DPY19L3: variants seen among roughly 807,000 people sequenced by gnomAD.
DPY19L3 encodes protein C-mannosyl-transferase DPY19L3.
DPY19L3 carries 51 observed loss-of-function variants against 92.3 expected under a neutral mutation model. The observed-to-expected ratio is 0.55, with a 90% CI of 0.44 to 0.70. The LOEUF (loss-of-function observed/expected upper bound fraction) is 0.70, where lower values mean the gene tolerates loss of function less well. Among genes scored for constraint, DPY19L3 ranks in the 30% least tolerant of loss-of-function variants. The probability of loss-of-function intolerance (pLI) is 0.00; values close to 1 mark genes in which losing one functional copy is unlikely to be tolerated. For missense variants in DPY19L3, 706 were observed against 855.9 expected (o/e 0.82, Z 2.18); for synonymous variants, 309 against 315.2 (o/e 0.98, Z 0.21).
At chr19:32,419,780 T>C (rs1568326655) in intron 3 of DPY19L3, among the ~76,000 whole-genome samples, 1 of 151,774 alleles carries the variant, frequency 6.6e-6, no homozygotes, top group African/African-American at 2.4e-5. Flanking sequence ...AAACACTAAC[T>C]CTAAATTGTC....
At chr19:32,444,873 A>G (rs909863338) in intron 8 of DPY19L3, among the ~76,000 whole-genome samples, 1 of 151,150 alleles carries the variant, frequency 6.6e-6, no homozygotes, top group South Asian at 2.1e-4. Context: ...GCTTGAGCCC[A>G]GGAGTTTGAG....
intron 3 of DPY19L3, among the ~76,000 whole-genome samples, chr19:32,417,862 A>G (rs1012164896): frequency 6.6e-6 from 1 of 152,232 alleles, no homozygotes; most frequent in African/African-American, 2.4e-5. Context: ...GACAGAGGTC[A>G]GCCAAATTCT....
chr19:32,456,908 C>T (rs1336557628), intron 10 of DPY19L3, among the ~76,000 whole-genome samples: 4 of 152,060 alleles, frequency 2.6e-5, no homozygotes, highest in Admixed American at 6.5e-5. Flanking sequence ...TGCCTGTAAT[C>T]GCAGCATTTT....
At chr19:32,436,957 A>G (rs1969162269) in intron 5 of DPY19L3, among the ~76,000 whole-genome samples, 2 of 151,486 alleles carry the variant, frequency 1.3e-5, no homozygotes, top group Admixed American at 6.6e-5. Flanking sequence ...TAGGTATAAA[A>G]CTTTCTAGAG....
chr19:32,464,415 A>G (rs887456572), intron 14 of DPY19L3, among the ~76,000 whole-genome samples: 36 of 152,256 alleles, frequency 2.4e-4, no homozygotes, highest in African/African-American at 8.7e-4. Context: ...AGCTGCAGAT[A>G]TCTTACAAAT....
At chr19:32,436,326 C>T (rs1969137468) in intron 4 of DPY19L3, 120 bp from the exon 5 acceptor site, 2 of 648,472 alleles carry the variant, frequency 3.1e-6, no homozygotes, top group East Asian at 7.0e-5. Context: ...TTTGCTTACT[C>T]TTATATCCCC....
intron 3 of DPY19L3, among the ~76,000 whole-genome samples, chr19:32,422,300 A>AT (rs1434866858): frequency 1.3e-5 from 2 of 152,244 alleles, no homozygotes; most frequent in Non-Finnish European, 2.9e-5. Flanking sequence ...AAGCAGAAAC[A>AT]TAAGAAGGTA....
At position 32,482,087 on chromosome 19, in the gene DPY19L3, T is replaced by C; in HGVS notation, c.1998T>C (p.Asp666=). The change falls in exon 19 of 19, where the codon GAT becomes GAC. Residue 666 remains aspartate, a synonymous_variant. Transcript: ENST00000392250. ...GTTTGTTTTGGTTTTAGATGATGGA[T>C]GGCCCAGGAGAGAATGATCCTGATT... ...LLDIANGHMM[D]GPGENDPDLK... 6.2e-7 allele frequency: 1 copy of C among 1,606,278 alleles called. No homozygotes were observed. The highest frequency in any genetic ancestry group is 8.5e-7 in the Non-Finnish European group (1 of 1,177,818).
Position 32,477,528 on chromosome 19 carries a change from C to T in DPY19L3, c.1704C>T (p.Asn568=). The T allele has an allele frequency of 1.9e-6, 3 of 1,614,140 alleles. No individual in the cohort carries two copies. The East Asian group carries it at 6.7e-5, about 36-fold the overall frequency. The part of the protein sequence containing the change: ...TVELMNWINS[N]TPRKAVFAGS... ...AGACTCTAAAATCTTTCAGCTCTAA[C>T]ACTCCAAGAAAGGCTGTGTTTGCGG... Residue 568 remains asparagine, a synonymous_variant, in exon 17 of 19, where the codon AAC becomes AAT. Transcript: ENST00000392250.
intron 3 of DPY19L3, among the ~76,000 whole-genome samples, chr19:32,425,559 AAAAG>A (rs1324309112): frequency 6.6e-6 from 1 of 152,152 alleles, no homozygotes; most frequent in East Asian, 1.9e-4. Flanking sequence ...TCAAAAAAAA[AAAAG>A]AAAAAAATTA....
Position 32,479,093 on chromosome 19 carries a change from G to A in DPY19L3, c.1831-1306G>A, listed in dbSNP as rs191960411. 4.2e-3 allele frequency among the ~76,000 whole-genome samples: 641 copies of A among 152,220 alleles called. 5 individuals are homozygous for A. The highest frequency in any genetic ancestry group is 0.015 in the African/African-American group (608 of 41,532). On this transcript the variant is annotated intron_variant, in intron 17 of 18. Coordinates refer to ENST00000392250, the MANE Select transcript of DPY19L3 (RefSeq NM_001172774.2). ...CTAATGTCACTTTTTTCATGTTGGC[G>A]GTTGAAAAGTTGTTGAAAAAGTCTT...
intron 12 of DPY19L3, among the ~76,000 whole-genome samples, chr19:32,462,421 G>A (rs912755930): frequency 6.6e-6 from 1 of 152,014 alleles, no homozygotes; most frequent in African/African-American, 2.4e-5. Flanking sequence ...TAATATTTTC[G>A]GACAGCAGTT....
At chr19:32,419,483 C>G (rs2145424599) in intron 3 of DPY19L3, among the ~76,000 whole-genome samples, 1 of 151,900 alleles carries the variant, frequency 6.6e-6, no homozygotes, top group East Asian at 1.9e-4. Context: ...TTTTTTGAGA[C>G]AGGTTCTCAC....
intron 16 of DPY19L3, 194 bp downstream of exon 16, chr19:32,469,007 A>G (rs575099834): frequency 5.0e-5 from 21 of 422,972 alleles, no homozygotes; most frequent in Admixed American, 8.8e-5. Flanking sequence ...CTCTCCAGCT[A>G]TATCTCATGA....
At position 32,468,777 on chromosome 19, in the gene DPY19L3, A is replaced by G. The variant is rs200092939; in HGVS notation, c.1661A>G (p.Tyr554Cys). Residue 554 changes from tyrosine (Y) to cysteine (C), a missense_variant, in exon 16 of 19, where the codon TAT (tyrosine) becomes TGT (cysteine). Physicochemically the swap from Tyr to Cys is radical, Grantham distance 194 (BLOSUM62 -2). Coordinates refer to ENST00000392250, the MANE Select transcript of DPY19L3 (RefSeq NM_001172774.2). ...GAACTCTCCGAGTTGAGAGAATTCT[A>G]TGATCCAGATACAGTGGAGCTGATG... Reference protein sequence around the residue: ...MDELSELREFYDPDTVELMNW... With the variant: ...MDELSELREFCDPDTVELMNW... 2.5e-6 allele frequency: 4 copies of G among 1,613,956 alleles called. No homozygotes were observed. The highest frequency in any genetic ancestry group is 3.3e-4 in the Middle Eastern group (2 of 6,058).
At chr19:32,413,057 T>C (rs1968247778) in intron 3 of DPY19L3, 2 of 152,352 alleles carry the variant, frequency 1.3e-5, no homozygotes, top group East Asian at 3.9e-4. Flanking sequence ...AACTCGTATA[T>C]AACTTACATG....
chr19:32,465,183 TG>T (rs1186620222), intron 15 of DPY19L3, among the ~76,000 whole-genome samples: 2 of 152,248 alleles, frequency 1.3e-5, no homozygotes, highest in African/African-American at 2.4e-5. Flanking sequence ...TTTTATTAGA[TG>T]CTTATCTTCA....
At chr19:32,458,327 C>T (rs1969931611) in intron 11 of DPY19L3, 24 bp from the exon 12 acceptor site, 1 of 1,605,672 alleles carries the variant, frequency 6.2e-7, no homozygotes, top group African/African-American at 1.3e-5. Context: ...GAATTTAATA[C>T]TTTGCTTTCC....
chr19:32,462,609 A>T (rs1020030860), intron 12 of DPY19L3, among the ~76,000 whole-genome samples: 2 of 152,224 alleles, frequency 1.3e-5, no homozygotes, highest in Admixed American at 1.3e-4. Context: ...CACACCTGGG[A>T]GACGGGAACA....
Sources: gnomAD v4.1 joint callset for allele counts (sites outside exome capture counted in the v4.1 genomes callset) on GRCh38, gnomAD v4.1.1 for gene constraint, MANE v1.5 for transcripts, NCBI Gene and HGNC (gene_info 2026-07-23, HGNC 2026-07-21) for gene names.